The following ABTB3 variants were observed in gnomAD, a reference collection of about 807,000 sequenced individuals.
ABTB3 encodes the protein ankyrin repeat- and BTB/POZ domain-containing protein 3.
chr12:107,516,801 G>T, the ABTB3 span, among the ~76,000 whole-genome samples: 1 of 152,220 alleles, frequency 6.6e-6, no homozygotes, highest in African/African-American at 2.4e-5. Context: ...TTCTGGTCTT[G>T]GCATTCTGTC....
chr12:107,531,043 C>G, the ABTB3 span, among the ~76,000 whole-genome samples: 1 of 152,240 alleles, frequency 6.6e-6, no homozygotes, highest in Non-Finnish European at 1.5e-5. Context: ...AGGTTGGAAT[C>G]TTGCCTGCCT....
the ABTB3 span, among the ~76,000 whole-genome samples, chr12:107,583,402 G>A: frequency 6.6e-6 from 1 of 152,156 alleles, no homozygotes; most frequent in Non-Finnish European, 1.5e-5. Context: ...ATTTTACAGA[G>A]GTGGAAATCA....
the ABTB3 span, among the ~76,000 whole-genome samples, chr12:107,372,233 G>A: frequency 6.6e-6 from 1 of 152,186 alleles, no homozygotes; most frequent in Non-Finnish European, 1.5e-5. Flanking sequence ...AGAGGACAGT[G>A]TTGAAATTGT....
chr12:107,379,140 T>C, the ABTB3 span, among the ~76,000 whole-genome samples: 23 of 152,272 alleles, frequency 1.5e-4, no homozygotes, highest in South Asian at 3.9e-3. Context: ...TAAACTCCCA[T>C]AGGGTTGGTG....
chr12:107,581,413 G>A, the ABTB3 span: 2 of 914,294 alleles, frequency 2.2e-6, no homozygotes, highest in Non-Finnish European at 2.9e-6. Flanking sequence ...CGCACACCTC[G>A]GCGGCGCTGG....
chr12:107,622,824 C>G, the ABTB3 span, among the ~76,000 whole-genome samples: 11 of 152,290 alleles, frequency 7.2e-5, no homozygotes, highest in Admixed American at 7.2e-4. Context: ...AATAAATCCA[C>G]TTTATGTTCA....
At chr12:107,551,015 C>T in the ABTB3 span, among the ~76,000 whole-genome samples, 1 of 152,146 alleles carries the variant, frequency 6.6e-6, no homozygotes, top group Non-Finnish European at 1.5e-5. Context: ...ACAAAAATAC[C>T]ACCCCAATGT....
chr12:107,535,672 C>G, the ABTB3 span, among the ~76,000 whole-genome samples: 1 of 151,956 alleles, frequency 6.6e-6, no homozygotes. Context: ...TTTACAATAG[C>G]TACAAAAAAA....
the ABTB3 span, among the ~76,000 whole-genome samples, chr12:107,522,644 A>C: frequency 6.6e-6 from 1 of 151,710 alleles, no homozygotes; most frequent in African/African-American, 2.4e-5. Flanking sequence ...TAACCCCAGC[A>C]CCAGGAATAC....
the ABTB3 span, among the ~76,000 whole-genome samples, chr12:107,466,308 AGGGGAAG>A: frequency 6.6e-6 from 1 of 152,040 alleles, no homozygotes; most frequent in African/African-American, 2.4e-5. Flanking sequence ...GAGGGAAGTG[AGGGGAAG>A]AGCAAGGGCC....
the ABTB3 span, among the ~76,000 whole-genome samples, chr12:107,437,071 G>C: frequency 6.6e-6 from 1 of 152,264 alleles, no homozygotes; most frequent in South Asian, 2.1e-4. Context: ...TTCTTCTTGA[G>C]AAAGCCTGGG....
At chr12:107,438,829 A>G in the ABTB3 span, among the ~76,000 whole-genome samples, 3 of 152,220 alleles carry the variant, frequency 2.0e-5, no homozygotes, top group Admixed American at 6.5e-5. Context: ...TCAGAAGGCT[A>G]CAGCTGCTTG....
At chr12:107,629,492 A>G in the ABTB3 span, among the ~76,000 whole-genome samples, 4 of 152,068 alleles carry the variant, frequency 2.6e-5, no homozygotes, top group African/African-American at 9.7e-5. Context: ...AGTCCAGAGG[A>G]CCTGAATTTA....
At chr12:107,372,518 T>C in the ABTB3 span, among the ~76,000 whole-genome samples, 9 of 152,218 alleles carry the variant, frequency 5.9e-5, no homozygotes, top group East Asian at 1.5e-3. Context: ...CCTCAAGAAG[T>C]GTATTACCAA....
chr12:107,470,226 A>G, the ABTB3 span, among the ~76,000 whole-genome samples: 1 of 151,712 alleles, frequency 6.6e-6, no homozygotes, highest in East Asian at 1.9e-4. Flanking sequence ...TTTAATAGAT[A>G]TGGAGTTTCA....
the ABTB3 span, chr12:107,615,146 A>G: frequency 1.2e-6 from 2 of 1,613,024 alleles, no homozygotes; most frequent in Non-Finnish European, 1.7e-6. Context: ...TTGCATGGAC[A>G]TATTCCTGTA....
the ABTB3 span, among the ~76,000 whole-genome samples, chr12:107,336,744 A>G: frequency 6.6e-6 from 1 of 152,252 alleles, no homozygotes; most frequent in Admixed American, 6.5e-5. Flanking sequence ...CATACTGTTC[A>G]GCGGATGACA....
chr12:107,322,590 CATTT>C, the ABTB3 span, among the ~76,000 whole-genome samples: 11 of 152,080 alleles, frequency 7.2e-5, no homozygotes, highest in African/African-American at 2.4e-4. Flanking sequence ...TTTGTGAATT[CATTT>C]GTTTATCGAA....
At chr12:107,446,700 G>A in the ABTB3 span, among the ~76,000 whole-genome samples, 1 of 152,058 alleles carries the variant, frequency 6.6e-6, no homozygotes. Context: ...CCTTAATCCT[G>A]GAGAAAAGAA....
Sources: gnomAD v4.1 joint callset for allele counts (sites outside exome capture counted in the v4.1 genomes callset) on GRCh38, gnomAD v4.1.1 for gene constraint, MANE v1.5 for transcripts, NCBI Gene and HGNC (gene_info 2026-07-23, HGNC 2026-07-21) for gene names.